The following PTPRD variants were observed in gnomAD, a reference collection of about 807,000 sequenced individuals.
The protein encoded by PTPRD is protein tyrosine phosphatase receptor type D.
Under a neutral mutation model 214.5 loss-of-function variants are expected in PTPRD, and 34 were observed. That is an observed-to-expected ratio of 0.16 (90% CI 0.12 to 0.21). PTPRD has a LOEUF of 0.21. Ranked by LOEUF, PTPRD falls within the 10% of genes least tolerant of loss-of-function variation. The probability of loss-of-function intolerance (pLI) is 1.00; values close to 1 mark genes in which losing one functional copy is unlikely to be tolerated. For synonymous variants in PTPRD, 1,128 were observed against 845.7 expected, an observed-to-expected ratio of 1.33 and a Z score of -5.79; for missense variants, 2,545 against 2,398.7, an observed-to-expected ratio of 1.06 and a Z score of -1.27.
chr9:9,934,610 G>A (rs2088377750), intron 5 of PTPRD, among the ~76,000 whole-genome samples: 1 of 151,056 alleles, frequency 6.6e-6, no homozygotes, highest in Non-Finnish European at 1.5e-5. Context: ...AAAGAGTCCA[G>A]GACCAGATGG....
chr9:9,486,354 C>T lies in PTPRD; in HGVS notation c.-237+88378G>A, dbSNP rs971815783. ...CCACCCCATCACTTCCCTGCAAATACTATTCCCAAGGCAACAGTATTCTTA... is the reference window on the plus strand; with the variant it reads ...CCACCCCATCACTTCCCTGCAAATATTATTCCCAAGGCAACAGTATTCTTA... On this transcript the variant is annotated intron_variant, in intron 8 of 45. Transcript: ENST00000381196. Among the ~76,000 whole-genome samples the T allele has an allele frequency of 6.0e-4, 91 of 151,958 alleles. 1 individual carries two copies. Among genetic ancestry groups the T allele is most frequent in the Admixed American group, 4.7e-3 (72 of 15,240 alleles).
chr9:9,909,063 G>C (rs1046610165), intron 5 of PTPRD, among the ~76,000 whole-genome samples: 1 of 135,174 alleles, frequency 7.4e-6, no homozygotes, highest in Non-Finnish European at 1.5e-5. Flanking sequence ...ATATTTTCCA[G>C]GATTGAAAAA....
chr9:8,879,573 T>C (rs1302731608), intron 11 of PTPRD, among the ~76,000 whole-genome samples: 1 of 152,134 alleles, frequency 6.6e-6, no homozygotes, highest in Non-Finnish European at 1.5e-5. Flanking sequence ...GGAGGTCCCT[T>C]TATGATTAAT....
chr9:10,599,407 T>C (rs1591748063), intron 2 of PTPRD, among the ~76,000 whole-genome samples: 1 of 151,910 alleles, frequency 6.6e-6, no homozygotes, highest in East Asian at 1.9e-4. Context: ...CAATGAATGC[T>C]GAATATTTAA....
intron 12 of PTPRD, among the ~76,000 whole-genome samples, chr9:8,733,377 T>A (rs1392470853): frequency 6.6e-6 from 1 of 152,176 alleles, no homozygotes; most frequent in Non-Finnish European, 1.5e-5. Context: ...TGTGACATTG[T>A]GCATTTTTCT....
chr9:9,804,481 G>T (rs1401708111), intron 5 of PTPRD, among the ~76,000 whole-genome samples: 1 of 151,976 alleles, frequency 6.6e-6, no homozygotes, highest in Non-Finnish European at 1.5e-5. Context: ...AATTTTATAT[G>T]GCTTTTAACA....
chr9:9,412,714 C>G (rs2075845011), intron 8 of PTPRD, among the ~76,000 whole-genome samples: 1 of 152,008 alleles, frequency 6.6e-6, no homozygotes, highest in Non-Finnish European at 1.5e-5. Context: ...TCTCAGAGTA[C>G]CTTATGGAAT....
intron 11 of PTPRD, among the ~76,000 whole-genome samples, chr9:9,011,111 T>G (rs113217660): frequency 7.2e-5 from 11 of 151,990 alleles, no homozygotes; most frequent in African/African-American, 2.7e-4. Context: ...AAGTAGAGAG[T>G]GGCAATTCTA....
At chr9:8,332,364 A>G (rs1390342516) in intron 43 of PTPRD, among the ~76,000 whole-genome samples, 1 of 152,140 alleles carries the variant, frequency 6.6e-6, no homozygotes, top group Non-Finnish European at 1.5e-5. Context: ...ATTTCTAGCC[A>G]TGGCAGGGGA....
intron 3 of PTPRD, among the ~76,000 whole-genome samples, chr9:10,226,549 C>T (rs533056280): frequency 2.6e-5 from 4 of 151,988 alleles, no homozygotes; most frequent in Admixed American, 2.6e-4. Flanking sequence ...ACTCCATTTC[C>T]CCAAAAGCTC....
At chr9:8,322,320 G>A (rs1193043357) in intron 44 of PTPRD, among the ~76,000 whole-genome samples, 2 of 152,130 alleles carry the variant, frequency 1.3e-5, no homozygotes, top group African/African-American at 4.8e-5. Flanking sequence ...GCCCAGATGT[G>A]CTGAAAGCTA....
intron 5 of PTPRD, among the ~76,000 whole-genome samples, chr9:9,781,748 C>T (rs1238518335): frequency 1.3e-5 from 2 of 152,032 alleles, no homozygotes; most frequent in African/African-American, 4.8e-5. Context: ...TTTGCTAAGT[C>T]CCATCTCCCT....
chr9:9,738,506 C>A (rs949772877), intron 6 of PTPRD, among the ~76,000 whole-genome samples: 1 of 130,610 alleles, frequency 7.7e-6, no homozygotes, highest in East Asian at 2.2e-4. Flanking sequence ...ACCATCAGTG[C>A]GATCTTGGCT....
At chr9:9,190,314 C>T (rs548577863) in intron 9 of PTPRD, among the ~76,000 whole-genome samples, 6 of 152,150 alleles carry the variant, frequency 3.9e-5, no homozygotes, top group South Asian at 2.1e-4. Context: ...TCCCACATGT[C>T]GTGGGAGGGA....
intron 10 of PTPRD, among the ~76,000 whole-genome samples, chr9:9,024,302 T>A (rs2099579476): frequency 6.6e-6 from 1 of 151,180 alleles, no homozygotes; most frequent in Admixed American, 6.6e-5. Context: ...AAACATAATT[T>A]GTTAGACCTG....
At chr9:9,196,072 C>A (rs963155095) in intron 9 of PTPRD, among the ~76,000 whole-genome samples, 5 of 152,108 alleles carry the variant, frequency 3.3e-5, no homozygotes, top group Non-Finnish European at 5.9e-5. Context: ...CATGTCTGAC[C>A]ACTTGTTACT....
intron 11 of PTPRD, among the ~76,000 whole-genome samples, chr9:8,960,253 G>A (rs915243728): frequency 5.9e-5 from 9 of 152,034 alleles, no homozygotes; most frequent in African/African-American, 2.2e-4. Flanking sequence ...GTGGAACAAG[G>A]CAAACACTGA....
chr9:10,340,503 C>T (rs1478266253), intron 3 of PTPRD, among the ~76,000 whole-genome samples: 1 of 151,650 alleles, frequency 6.6e-6, no homozygotes, highest in Non-Finnish European at 1.5e-5. Context: ...TTGTATGATG[C>T]CAAAGGTGAA....
At chr9:8,529,899 T>C (rs1346862660) in intron 14 of PTPRD, among the ~76,000 whole-genome samples, 1 of 152,178 alleles carries the variant, frequency 6.6e-6, no homozygotes, top group African/African-American at 2.4e-5. Context: ...CATTAACTCG[T>C]GATCATGAAA....
Sources: allele counts gnomAD v4.1 joint callset (sites outside exome capture counted in the v4.1 genomes callset), GRCh38; gene constraint gnomAD v4.1.1; transcripts MANE v1.5; gene names NCBI Gene and HGNC (gene_info 2026-07-23, HGNC 2026-07-21).